INPP5A: variants seen among roughly 807,000 people sequenced by gnomAD.
INPP5A encodes the protein 43 kDa inositol polyphosphate 5-phophatase.
Under a neutral mutation model 65.2 loss-of-function variants are expected in INPP5A, and 14 were observed. The ratio of observed to expected loss-of-function variants is 0.21; its 90% CI spans 0.14 to 0.34. The LOEUF (loss-of-function observed/expected upper bound fraction) is 0.34, where lower values mean the gene tolerates loss of function less well. Ranked by LOEUF, INPP5A falls within the 10% of genes least tolerant of loss-of-function variation. The probability of loss-of-function intolerance (pLI) is 1.00; values close to 1 mark genes in which losing one functional copy is unlikely to be tolerated. For synonymous variants in INPP5A, 207 were observed against 208.3 expected, an observed-to-expected ratio of 0.99 and a Z score of 0.05; for missense variants, 431 against 545.6, an observed-to-expected ratio of 0.79 and a Z score of 2.09.
intron 8 of INPP5A, among the ~76,000 whole-genome samples, chr10:132,722,471 C>T (rs1220011759): frequency 1.3e-5 from 2 of 152,246 alleles, no homozygotes; most frequent in African/African-American, 2.4e-5. Context: ...GCTCTCCCGC[C>T]ACCTGCCCTG....
Position 132,678,230 on chromosome 10 carries a change from G to A in INPP5A, c.307-12162G>A, listed in dbSNP as rs2072994646. On this transcript the variant is annotated intron_variant, in intron 4 of 15. Transcript: ENST00000368594. This position sits in a 1 kb window ranked among gnomAD's most constrained non-coding sequence, Gnocchi z 4.1. The stretch of plus-strand genomic sequence containing the variant: ...GCCTGGGGGTGGCACTGGGGGAAGT[G>A]GGCAGTAGTGAGGACGCCGCCTTGT... 6.6e-6 allele frequency among the ~76,000 whole-genome samples: 1 copy of A among 152,190 alleles called. No homozygotes were observed. The highest frequency in any genetic ancestry group is 1.5e-5 in the Non-Finnish European group (1 of 68,032).
At chr10:132,668,791 C>G (rs979566139) in intron 4 of INPP5A, among the ~76,000 whole-genome samples, 1 of 152,204 alleles carries the variant, frequency 6.6e-6, no homozygotes, top group East Asian at 1.9e-4. Flanking sequence ...CCCTGTTGAC[C>G]GTGCTCTGGG....
At chr10:132,560,636 G>A (rs963464841) in intron 1 of INPP5A, among the ~76,000 whole-genome samples, 7 of 152,176 alleles carry the variant, frequency 4.6e-5, no homozygotes, top group African/African-American at 1.7e-4. Flanking sequence ...TTCTCGCTCT[G>A]TTGCTCAGGC....
intron 1 of INPP5A, among the ~76,000 whole-genome samples, chr10:132,586,336 G>T (rs1450388131): frequency 6.6e-6 from 1 of 152,230 alleles, no homozygotes; most frequent in Non-Finnish European, 1.5e-5. Context: ...CACACGTTTG[G>T]TTTTTTGTGA....
intron 1 of INPP5A, among the ~76,000 whole-genome samples, chr10:132,597,718 G>A (rs1180780951): frequency 6.6e-6 from 1 of 152,038 alleles, no homozygotes; most frequent in Admixed American, 6.6e-5. Context: ...GCTACGTGTA[G>A]TGACCCTGGG....
intron 9 of INPP5A, among the ~76,000 whole-genome samples, chr10:132,737,191 C>T (rs566216886): frequency 6.6e-6 from 1 of 152,370 alleles, no homozygotes; most frequent in South Asian, 2.1e-4. Flanking sequence ...GCCCATCCCA[C>T]AGCCATGAGC....
At chr10:132,543,439 ACGGGGTC>A (rs2070932177) in intron 1 of INPP5A, among the ~76,000 whole-genome samples, 1 of 152,064 alleles carries the variant, frequency 6.6e-6, no homozygotes, top group Non-Finnish European at 1.5e-5. Context: ...AATTACAGAG[ACGGGGTC>A]TTGCTGTTCA....
chr10:132,546,239 G>T lies in INPP5A; in HGVS notation c.75+8068G>T, dbSNP rs1325144405. Among the ~76,000 whole-genome samples, 1 of 152,248 alleles carries T rather than the reference G, an allele frequency of 6.6e-6. No individual in the cohort carries two copies. The highest frequency in any genetic ancestry group is 1.5e-5 in the Non-Finnish European group (1 of 68,040). On this transcript the variant is annotated intron_variant, in intron 1 of 15. Transcript: ENST00000368594. The surrounding 1 kb of genome is among the most constrained non-coding windows in gnomAD (Gnocchi z 5.7). ...GGTGATGGCGCTCCCAGCCCGCGGG[G>T]GTCTTGGCGTTGGCGCAGAAGTGGT...
chr10:132,720,027 G>A (rs111546885), intron 8 of INPP5A, among the ~76,000 whole-genome samples: 19 of 140,218 alleles, frequency 1.4e-4, no homozygotes, highest in East Asian at 6.9e-4. Flanking sequence ...CTGTCTGGGC[G>A]CCTTAGACGG....
rs1447991164 is a variant in INPP5A at position 132,651,581 on chromosome 10, A to G, written c.306+1076A>G. On this transcript the variant is annotated intron_variant, in intron 4 of 15. Coordinates refer to ENST00000368594, the MANE Select transcript of INPP5A (RefSeq NM_005539.5). This position sits in a 1 kb window ranked among gnomAD's most constrained non-coding sequence, Gnocchi z 5.0. ...CCATCTCTGGCCTTCTGTCCCCAGC[A>G]TCAGCGCCCACTAGCCGTCATTGCG... Among the ~76,000 whole-genome samples, 5 of 152,122 alleles carry G rather than the reference A, an allele frequency of 3.3e-5. No homozygotes were observed. The highest frequency in any genetic ancestry group is 9.7e-5 in the African/African-American group (4 of 41,416).
intron 6 of INPP5A, among the ~76,000 whole-genome samples, chr10:132,703,026 C>T (rs1175015368): frequency 2.6e-5 from 4 of 152,096 alleles, no homozygotes; most frequent in South Asian, 2.1e-4. Flanking sequence ...GCCCACACAC[C>T]GGGGTTGGGA....
intron 2 of INPP5A, among the ~76,000 whole-genome samples, chr10:132,638,142 C>G (rs571954151): frequency 6.6e-6 from 1 of 152,270 alleles, no homozygotes; most frequent in East Asian, 1.9e-4. Flanking sequence ...TTCCTTTCTC[C>G]TTTGCCACCT....
intron 5 of INPP5A, among the ~76,000 whole-genome samples, chr10:132,695,242 A>G (rs1845327448): frequency 6.6e-6 from 1 of 152,216 alleles, no homozygotes; most frequent in African/African-American, 2.4e-5. Flanking sequence ...AAAGAAGGAA[A>G]ATCACATGAT....
At chr10:132,759,798 G>T (rs1846698591) in intron 11 of INPP5A, among the ~76,000 whole-genome samples, 2 of 152,118 alleles carry the variant, frequency 1.3e-5, no homozygotes, top group Non-Finnish European at 2.9e-5. Context: ...AGCCCATGGA[G>T]GTAGCCCTGG....
At chr10:132,596,293 CAATT>C (rs1003478387) in intron 1 of INPP5A, among the ~76,000 whole-genome samples, 52 of 152,284 alleles carry the variant, frequency 3.4e-4, no homozygotes, top group African/African-American at 1.2e-3. Flanking sequence ...GAATGGCCCT[CAATT>C]AAAGGGTGTC....
intron 1 of INPP5A, among the ~76,000 whole-genome samples, chr10:132,556,796 A>G (rs940465448): frequency 5.4e-5 from 8 of 149,096 alleles, no homozygotes; most frequent in Admixed American, 1.3e-4. Flanking sequence ...TTGGTTTTCT[A>G]TGATTTTGAT....
At chr10:132,562,675 G>A (rs573584180) in intron 1 of INPP5A, among the ~76,000 whole-genome samples, 1 of 152,218 alleles carries the variant, frequency 6.6e-6, no homozygotes, top group Non-Finnish European at 1.5e-5. Context: ...AGCCCTGCTG[G>A]CTTCTCTTTC....
chr10:132,541,897 G>A (rs1347420464), intron 1 of INPP5A, among the ~76,000 whole-genome samples: 3 of 152,256 alleles, frequency 2.0e-5, no homozygotes, highest in Non-Finnish European at 4.4e-5. Flanking sequence ...CACCCTCGGT[G>A]AGCCCTGCAG....
chr10:132,538,227 CG>C lies in INPP5A; in HGVS notation c.75+60del. 9.1e-7 allele frequency: 1 copy of C among 1,100,220 alleles called. No individual in the cohort carries two copies. The highest frequency in any genetic ancestry group is 1.2e-6 in the Non-Finnish European group (1 of 866,218). 68.2% of individuals were successfully genotyped at this position (1,100,220 alleles called of 1,614,324 possible). On this transcript the variant is annotated intron_variant, in intron 1 of 15. Coordinates refer to ENST00000368594, the MANE Select transcript of INPP5A (RefSeq NM_005539.5). This position sits in a 1 kb window ranked among gnomAD's most constrained non-coding sequence, Gnocchi z 4.1. ...AGCCCGGAACCCCCGACCCTGACCC[CG>C]GGGTCCCGAACTGCAAGCCTTGGAC...
Sources: gnomAD v4.1 joint callset for allele counts (sites outside exome capture counted in the v4.1 genomes callset) on GRCh38, gnomAD v4.1.1 for gene constraint, Gnocchi (gnomAD v3.1) non-coding constraint, MANE v1.5 for transcripts, NCBI Gene and HGNC (gene_info 2026-07-23, HGNC 2026-07-21) for gene names.